Variants in NRP1 observed in about 807,000 individuals in gnomAD.
The protein encoded by NRP1 is neuropilin 1.
In NRP1, 35 loss-of-function variants were observed where a neutral mutation model predicts 106.7. The observed-to-expected ratio is 0.33, with a 90% confidence interval of 0.25 to 0.43. NRP1 has a LOEUF of 0.43. Ranked by LOEUF, NRP1 falls within the 20% of genes least tolerant of loss-of-function variation. NRP1 has a pLI of 1.00. For synonymous variants in NRP1, 437 were observed against 417.9 expected, an observed-to-expected ratio of 1.05 and a Z score of -0.56; for missense variants, 1,024 against 1,170.4, an observed-to-expected ratio of 0.87 and a Z score of 1.83.
chr10:33,304,258 C>G lies in NRP1; in HGVS notation c.248+26450G>C, dbSNP rs12246776. Reference sequence around the variant, plus strand: ...CATTCCGTCTTCTTTCACTGATTGACTTTTCTTTCTTTGAATGAAATTCCC... The same window carrying G: ...CATTCCGTCTTCTTTCACTGATTGAGTTTTCTTTCTTTGAATGAAATTCCC... On this transcript the variant is annotated intron_variant, in intron 2 of 16. Transcript: ENST00000374867. Among the ~76,000 whole-genome samples the G allele has an allele frequency of 5.8e-3, 876 of 152,302 alleles. 7 individuals carry two copies. The highest frequency in any genetic ancestry group is 0.02 in the African/African-American group (834 of 41,550).
At chr10:33,222,392 A>G (rs1055589160) in intron 7 of NRP1, among the ~76,000 whole-genome samples, 1 of 152,176 alleles carries the variant, frequency 6.6e-6, no homozygotes, top group African/African-American at 2.4e-5. Flanking sequence ...CGTGACTTTA[A>G]TCCTTTTTTG....
intron 2 of NRP1, among the ~76,000 whole-genome samples, chr10:33,297,628 A>C (rs775172713): frequency 6.7e-6 from 1 of 150,148 alleles, no homozygotes; most frequent in Non-Finnish European, 1.5e-5. Flanking sequence ...CAGAGGTTGC[A>C]GTGAGCTGAG....
At chr10:33,228,233 A>G (rs1045568839) in intron 6 of NRP1, among the ~76,000 whole-genome samples, 1 of 152,160 alleles carries the variant, frequency 6.6e-6, no homozygotes, top group African/African-American at 2.4e-5. Flanking sequence ...CAAGCCTGGC[A>G]TAGTGGCACA....
chr10:33,195,357 T>A (rs142751598), intron 12 of NRP1: 1 of 364,216 alleles, frequency 2.7e-6, no homozygotes, highest in East Asian at 7.3e-5. Context: ...AATGTAAGGA[T>A]CCCATCACTT....
chr10:33,282,748 T>C (rs1844231937), intron 2 of NRP1, among the ~76,000 whole-genome samples: 1 of 152,168 alleles, frequency 6.6e-6, no homozygotes, highest in African/African-American at 2.4e-5. Flanking sequence ...AGCTGAACTT[T>C]TCTTTTTTTT....
intron 2 of NRP1, among the ~76,000 whole-genome samples, chr10:33,277,620 C>G (rs1008400277): frequency 6.6e-6 from 1 of 152,226 alleles, no homozygotes. Context: ...TGGGCCACAA[C>G]CTGGCTGCTG....
intron 6 of NRP1, among the ~76,000 whole-genome samples, chr10:33,253,082 T>G (rs1841975127): frequency 6.6e-6 from 1 of 151,622 alleles, no homozygotes; most frequent in South Asian, 2.1e-4. Context: ...GATCTGACTA[T>G]TCTCCTGAAA....
intron 6 of NRP1, among the ~76,000 whole-genome samples, chr10:33,232,638 CT>C (rs71030049): frequency 0.03 from 2,861 of 94,216 alleles, 12 homozygotes; most frequent in Middle Eastern, 0.043. Context: ...TTTTCTTTTC[CT>C]TTTTTTTTTT....
At chr10:33,328,865 A>G (rs1848074259) in intron 2 of NRP1, among the ~76,000 whole-genome samples, 1 of 152,210 alleles carries the variant, frequency 6.6e-6, no homozygotes, top group South Asian at 2.1e-4. Context: ...TTCTTTAAGT[A>G]TTATATTACA....
chr10:33,184,328 T>C (rs1341038211), intron 15 of NRP1, among the ~76,000 whole-genome samples: 1 of 152,214 alleles, frequency 6.6e-6, no homozygotes, highest in East Asian at 1.9e-4. Flanking sequence ...GCCATGTACT[T>C]TCACTGGAGC....
intron 2 of NRP1, among the ~76,000 whole-genome samples, chr10:33,293,760 C>T (rs932964272): frequency 3.3e-5 from 5 of 152,210 alleles, no homozygotes; most frequent in South Asian, 2.1e-4. Flanking sequence ...CACACACGTG[C>T]TCAAAACCCA....
In NRP1 at chr10:33,256,353, T is replaced by G. The variant is rs981163985; in HGVS notation, c.777A>C (p.Ser259=). The G allele has an allele frequency of 6.2e-7, 1 of 1,614,200 alleles. No homozygotes were observed. Among genetic ancestry groups the G allele is most frequent in the Non-Finnish European group, 8.5e-7 (1 of 1,180,022 alleles). ...TGCTCTGCAAGACACTGTAGTTTGC[T>G]GAGAAACCTTCTTTTGCTATCGCGC... is the stretch of plus-strand genomic sequence containing the variant. ...TDSAIAKEGF[S]ANYSVLQSSV... Residue 259 remains serine (S), a synonymous_variant, in exon 5 of 17, where the codon TCA becomes TCC. Transcript: ENST00000374867.
chr10:33,315,144 A>G (rs191774282), intron 2 of NRP1, among the ~76,000 whole-genome samples: 25 of 152,320 alleles, frequency 1.6e-4, no homozygotes, highest in Non-Finnish European at 2.9e-4. Context: ...TCCAAAACAG[A>G]TTATGGAGAC....
chr10:33,307,363 T>C (rs1378176302), intron 2 of NRP1, among the ~76,000 whole-genome samples: 1 of 152,164 alleles, frequency 6.6e-6, no homozygotes, highest in African/African-American at 2.4e-5. Context: ...ACTTTCACAG[T>C]ATGACGGACG....
chr10:33,291,169 A>G (rs1393219662), intron 2 of NRP1, among the ~76,000 whole-genome samples: 1 of 152,212 alleles, frequency 6.6e-6, no homozygotes, highest in Non-Finnish European at 1.5e-5. Flanking sequence ...ACCAATCCAT[A>G]AAACTACCAA....
intron 11 of NRP1, among the ~76,000 whole-genome samples, chr10:33,199,148 C>CCTGT (rs1164145400): frequency 6.6e-6 from 1 of 151,834 alleles, no homozygotes; most frequent in Non-Finnish European, 1.5e-5. Context: ...CTCCCATCCA[C>CCTGT]CTGTCCTCTC....
Position 33,183,258 on chromosome 10 carries a change from A to G in NRP1, c.2432-510T>C, listed in dbSNP as rs527598082. On this transcript the variant is annotated intron_variant, in intron 15 of 16. Coordinates refer to ENST00000374867, the MANE Select transcript of NRP1 (RefSeq NM_003873.7). ...GAGATGGAGTTTACAGTGAGCCATGATGGTGCCACTGCACTCCACCCTGGG... is the reference window on the plus strand; with the variant it reads ...GAGATGGAGTTTACAGTGAGCCATGGTGGTGCCACTGCACTCCACCCTGGG... Among the ~76,000 whole-genome samples the G allele has an allele frequency of 6.9e-4, 105 of 151,778 alleles. 1 individual carries two copies. Among genetic ancestry groups the G allele is most frequent in the Non-Finnish European group, 1.4e-3 (92 of 67,928 alleles).
intron 1 of NRP1, among the ~76,000 whole-genome samples, 154 bp from the exon 2 acceptor site, chr10:33,331,036 C>T (rs1465042173): frequency 6.6e-6 from 1 of 152,156 alleles, no homozygotes; most frequent in African/African-American, 2.4e-5. Context: ...CTGAGTGCAA[C>T]ACTCCAGGAA....
chr10:33,279,285 G>A (rs942689731), intron 2 of NRP1, among the ~76,000 whole-genome samples: 1 of 152,158 alleles, frequency 6.6e-6, no homozygotes, highest in Non-Finnish European at 1.5e-5. Context: ...AGGGCATCAC[G>A]GGGCAGAAAT....
Sources: gnomAD v4.1 joint callset for allele counts (sites outside exome capture counted in the v4.1 genomes callset) on GRCh38, gnomAD v4.1.1 for gene constraint, MANE v1.5 for transcripts, NCBI Gene and HGNC (gene_info 2026-07-23, HGNC 2026-07-21) for gene names.